AQP7: variants seen among roughly 807,000 people sequenced by gnomAD.
The protein encoded by AQP7 is aquaporin 7.
A neutral mutation model predicts 26.1 loss-of-function variants in AQP7; 22 were observed. That is an observed-to-expected ratio of 0.84 (90% CI 0.60 to 1.20). AQP7 has a LOEUF of 1.20. AQP7 is among the 50% of genes most tolerant of loss of function. AQP7 has a pLI of 0.00. For missense variants in AQP7, 412 were observed against 457.5 expected, an observed-to-expected ratio of 0.90 and a Z score of 0.91; for synonymous variants, 167 against 181.7, an observed-to-expected ratio of 0.92 and a Z score of 0.65.
chr9:33,388,429 C>G (rs1825072405), intron 3 of AQP7, among the ~76,000 whole-genome samples: 1 of 152,322 alleles, frequency 6.6e-6, no homozygotes, highest in Non-Finnish European at 1.5e-5. Flanking sequence ...GCGTCTTCCC[C>G]AGACTCACTC....
At chr9:33,395,530 T>C (rs889378612) in intron 2 of AQP7, 1 of 311,034 alleles carries the variant, frequency 3.2e-6, no homozygotes, top group South Asian at 3.8e-5. Context: ...AAAAGCAGGG[T>C]GGGAGAGAGC....
chr9:33,395,141 T>A lies in AQP7; in HGVS notation c.81A>T (p.Glu27Asp), dbSNP rs1232662359. 1.2e-6 allele frequency: 2 copies of A among 1,613,880 alleles called. No homozygotes were observed. Among genetic ancestry groups the A allele is most frequent in the Non-Finnish European group, 1.7e-6 (2 of 1,179,878 alleles). The change falls in exon 3 of 8, where the codon GAA becomes GAT. Residue 27 changes from glutamate to aspartate, a missense_variant. Physicochemically the swap from Glu to Asp is conservative, Grantham distance 45 (BLOSUM62 2). Coordinates refer to ENST00000297988, the MANE Select transcript of AQP7 (RefSeq NM_001170.3). ...VSWSVIAKIQEILQRKMVREF... is the reference protein window; with the variant it reads ...VSWSVIAKIQDILQRKMVREF... ...CTCGCACCATCTTCCTCTGCAGTAT[T>A]TCCTGGATCTTTGCTATCACGGACC... is the stretch of plus-strand genomic sequence containing the variant.
chr9:33,386,973 G>A lies in AQP7; in HGVS notation c.264C>T (p.Ile88=), dbSNP rs751608439. The A allele has an allele frequency of 1.9e-6, 3 of 1,611,882 alleles. No individual in the cohort carries two copies. In the Admixed American group the frequency reaches 5.0e-5, roughly 27 times the overall value. Residue 88 remains isoleucine, a synonymous_variant, in exon 4 of 8, where the codon ATC becomes ATT. Coordinates refer to ENST00000297988, the MANE Select transcript of AQP7 (RefSeq NM_001170.3). The stretch of plus-strand genomic sequence containing the variant: ...GCAGGGCCTGGGCTCACTCACCAGA[G>A]ATGCGGCCTGCCACGTGCACTCCCA... ...VTMGVHVAGR[I]SGAHMNAAVT... is the part of the protein sequence containing the mutation.
chr9:33,385,399 C>T, intron 7 of AQP7, 109 bp from the exon 8 acceptor site: 4 of 1,312,314 alleles, frequency 3.0e-6, no homozygotes, highest in Non-Finnish European at 4.2e-6. Flanking sequence ...CAGGCTACCC[C>T]AGGAAACACC....
Position 33,395,092 on chromosome 9 carries a change from T to C in AQP7, c.130A>G (p.Thr44Ala), listed in dbSNP as rs776199160. The change falls in exon 3 of 8, where the codon ACA becomes GCA. Residue 44 changes from threonine (T) to alanine (A), a missense_variant. Coordinates refer to ENST00000297988, the MANE Select transcript of AQP7 (RefSeq NM_001170.3). ...CACCCACTCACCATCATGACATATGTGCTCATGAACTCGGCCAGGAACTCT... is the reference window on the plus strand; with the variant it reads ...CACCCACTCACCATCATGACATATGCGCTCATGAACTCGGCCAGGAACTCT... ...VREFLAEFMS[T>A]YVMMVFGLGS... is the part of the protein sequence containing the mutation. The C allele has an allele frequency of 1.5e-5, 25 of 1,613,260 alleles. No individual in the cohort carries two copies. In the South Asian group the frequency reaches 2.3e-4, roughly 15 times the overall value.
At position 33,394,928 on chromosome 9, in the gene AQP7, GC is replaced by G. The variant is rs941906731; in HGVS notation, c.144+149del. The G allele has an allele frequency of 3.9e-5, 27 of 689,816 alleles. No individual in the cohort carries two copies. In the African/African-American group the frequency reaches 4.1e-4, roughly 11 times the overall value. 42.7% of individuals were successfully genotyped at this position (689,816 alleles called of 1,614,324 possible). On this transcript the variant is annotated intron_variant, in intron 3 of 7. Coordinates refer to ENST00000297988, the MANE Select transcript of AQP7 (RefSeq NM_001170.3). ...CTGTCCAAAAAGGCTTGATGAGAAAGCCCCCCCTCCTTACTTTCCTCTGCTG... is the reference window on the plus strand; with the variant it reads ...CTGTCCAAAAAGGCTTGATGAGAAAGCCCCCCTCCTTACTTTCCTCTGCTG...
chr9:33,398,101 A>G (rs949254359), intron 2 of AQP7, among the ~76,000 whole-genome samples: 1 of 152,100 alleles, frequency 6.6e-6, no homozygotes, highest in Non-Finnish European at 1.5e-5. Flanking sequence ...AGGAGGGGGT[A>G]GGAGGCTCCC....
At chr9:33,398,793 A>G (rs577320459) in intron 2 of AQP7, among the ~76,000 whole-genome samples, 2 of 152,046 alleles carry the variant, frequency 1.3e-5, no homozygotes, top group Admixed American at 6.5e-5. Context: ...TGGTCATCTG[A>G]GCCATGGGCA....
intron 2 of AQP7, 26 bp downstream of exon 2, chr9:33,401,211 G>A (rs1406513817): frequency 4.2e-5 from 65 of 1,548,850 alleles, no homozygotes; most frequent in Non-Finnish European, 5.7e-5. Flanking sequence ...GGGGGCTGGA[G>A]GGTGAGAAGA....
rs535439047 is a variant in AQP7, at chr9:33,400,029, G to A, written c.26+1208C>T. Among the ~76,000 whole-genome samples the A allele has an allele frequency of 9.2e-5, 14 of 152,216 alleles. No homozygotes were observed. In the South Asian group the frequency reaches 1.5e-3, roughly 16 times the overall value. On this transcript the variant is annotated intron_variant, in intron 2 of 7. Transcript: ENST00000297988. ...CAGGAGGAGTGGACTTGCAGGGGGC[G>A]GAGGAGGCTGTTTCCATCTAGGAGC...
chr9:33,385,642 G>A lies in AQP7; in HGVS notation c.743+7C>T, dbSNP rs750007965. 32 of 1,613,178 alleles carry A rather than the reference G, an allele frequency of 2.0e-5. No homozygotes were observed. Among genetic ancestry groups the A allele is most frequent in the Non-Finnish European group, 2.5e-5 (29 of 1,179,948 alleles). On this transcript the variant is annotated splice_region_variant and intron_variant, in intron 7 of 7. Coordinates refer to ENST00000297988, the MANE Select transcript of AQP7 (RefSeq NM_001170.3). ...CTCAAAGGAATGGGCCTGGGCAGGGGCAGTACCTGAAGACCTGTTTGCCCC... is the reference window on the plus strand; with the variant it reads ...CTCAAAGGAATGGGCCTGGGCAGGGACAGTACCTGAAGACCTGTTTGCCCC...
chr9:33,385,520 C>T lies in AQP7; in HGVS notation c.743+129G>A, dbSNP rs1057088603. ...GCCTGGGGAAATGTTGGGACTCACT[C>T]CTGCTCCCCAGGCTACCTGGGGGCT... On this transcript the variant is annotated intron_variant, in intron 7 of 7. Transcript: ENST00000297988. The T allele has an allele frequency of 5.8e-6, 7 of 1,213,022 alleles. No individual in the cohort carries two copies. The African/African-American group carries it at 1.1e-4, about 18-fold the overall frequency. The allele number at this position is 1,213,022 out of a possible 1,614,324, so 75.1% of individuals were successfully genotyped here. A position where few individuals can be genotyped will look rare whatever the true frequency, so the allele number is the denominator to read the frequency against.
chr9:33,396,081 A>G (rs4008641), intron 2 of AQP7, among the ~76,000 whole-genome samples: 7,192 of 152,186 alleles, frequency 0.047, 582 homozygotes, highest in African/African-American at 0.16. Flanking sequence ...CCAAATCTGC[A>G]TATAGAGAGA....
At chr9:33,396,790 T>C (rs1587142944) in intron 2 of AQP7, among the ~76,000 whole-genome samples, 1 of 150,522 alleles carries the variant, frequency 6.6e-6, no homozygotes, top group South Asian at 2.1e-4. Flanking sequence ...GGGGCAATGC[T>C]CATCACACTG....
chr9:33,392,581 G>A (rs367752317), intron 3 of AQP7, among the ~76,000 whole-genome samples: 3 of 152,134 alleles, frequency 2.0e-5, no homozygotes, highest in Non-Finnish European at 2.9e-5. Context: ...GCATGTGGGC[G>A]GTGCCTATTT....
rs567824767 is a variant in AQP7, at chr9:33,386,341, A to G, written c.406+63T>C. The G allele has an allele frequency of 3.0e-4, 488 of 1,603,018 alleles. 4 individuals are homozygous for G. In the South Asian group the frequency reaches 5.1e-3, roughly 17 times the overall value. Reference sequence around the variant, plus strand: ...TTACAAATCAGGACACTGAGGTCCAATCTGCCCATATTTCATAGGAGGCGG... The same window carrying G: ...TTACAAATCAGGACACTGAGGTCCAGTCTGCCCATATTTCATAGGAGGCGG... On this transcript the variant is annotated intron_variant, in intron 5 of 7. Transcript: ENST00000297988.
intron 3 of AQP7, among the ~76,000 whole-genome samples, chr9:33,390,027 C>CA (rs778333672): frequency 0.014 from 1,060 of 78,082 alleles, 11 homozygotes; most frequent in African/African-American, 0.033. Flanking sequence ...GACTCCGTCT[C>CA]AAAAAAAAAA....
chr9:33,385,601 G>A (rs776938069), intron 7 of AQP7, 48 bp downstream of exon 7: 2 of 1,603,362 alleles, frequency 1.2e-6, no homozygotes, highest in Non-Finnish European at 1.7e-6. Context: ...CAACACACAG[G>A]GGACCCACAG....
intron 3 of AQP7, among the ~76,000 whole-genome samples, chr9:33,392,067 A>G (rs1013922201): frequency 1.3e-5 from 2 of 152,218 alleles, no homozygotes; most frequent in African/African-American, 4.8e-5. Context: ...TAATCCCAGC[A>G]CTTTGGGAGG....
Sources: gnomAD v4.1 joint callset for allele counts (sites outside exome capture counted in the v4.1 genomes callset) on GRCh38, gnomAD v4.1.1 for gene constraint, MANE v1.5 for transcripts, NCBI Gene and HGNC (gene_info 2026-07-23, HGNC 2026-07-21) for gene names.